The following SCLT1 variants were observed in gnomAD, a reference collection of about 807,000 sequenced individuals.
SCLT1 encodes sodium channel and clathrin linker 1.
In SCLT1, 78 loss-of-function variants were observed where a neutral mutation model predicts 112.8. The ratio of observed to expected loss-of-function variants is 0.69; its 90% CI spans 0.58 to 0.83. The LOEUF (loss-of-function observed/expected upper bound fraction) is 0.83. Ranked by LOEUF, SCLT1 falls within the 40% of genes least tolerant of loss-of-function variation. The pLI, the probability that SCLT1 is intolerant of heterozygous loss-of-function variation, is 0.00. For synonymous variants in SCLT1, 257 were observed against 254.7 expected (o/e 1.01, Z -0.09); for missense variants, 747 against 770.4 (o/e 0.97, Z 0.36).
At chr4:129,064,265 T>C (rs1440335823) in intron 2 of SCLT1, among the ~76,000 whole-genome samples, 1 of 152,230 alleles carries the variant, frequency 6.6e-6, no homozygotes, top group Non-Finnish European at 1.5e-5. Context: ...TTTCTGTCAG[T>C]CTGTGGTATG....
chr4:128,992,247 GAA>G lies in SCLT1; in HGVS notation c.616-12_616-11del. On this transcript the variant is annotated splice_polypyrimidine_tract_variant and intron_variant, in intron 8 of 20. Transcript: ENST00000281142. ...GAAACTGTTGGTTAGTCTGCCACAA[GAA>G]AAAAAAAGAATCAGTATTAGAATAT... is the stretch of plus-strand genomic sequence containing the variant. 1.3e-6 allele frequency: 2 copies of G among 1,492,518 alleles called. No homozygotes were observed. The highest frequency in any genetic ancestry group is 1.8e-6 in the Non-Finnish European group (2 of 1,095,942). 92.5% of individuals were successfully genotyped at this position (1,492,518 alleles called of 1,614,324 possible).
intron 2 of SCLT1, among the ~76,000 whole-genome samples, chr4:129,061,002 A>C (rs1272096598): frequency 2.0e-5 from 3 of 152,100 alleles, no homozygotes; most frequent in Non-Finnish European, 4.4e-5. Flanking sequence ...TTGTGGTTCT[A>C]TCCCTGGGTG....
intron 12 of SCLT1, among the ~76,000 whole-genome samples, chr4:128,958,148 A>C (rs1739368620): frequency 6.6e-6 from 1 of 152,140 alleles, no homozygotes; most frequent in Non-Finnish European, 1.5e-5. Flanking sequence ...TTTTAAATCA[A>C]CATGTAAATG....
Position 128,936,739 on chromosome 4 carries a change from G to T in SCLT1, c.1745C>A (p.Ala582Glu). The change falls in exon 18 of 21, where the codon GCG becomes GAG. Residue 582 changes from alanine to glutamate, a missense_variant. By Grantham distance (107) the Ala-to-Glu change is moderately radical. This residue lies in a region of SCLT1 where 723 missense variants were observed against 721.3 expected (regional missense o/e 1.00). Transcript: ENST00000281142. The part of the protein sequence containing the change: ...NSIVELRHLL[A>E]TQQKAANRWK... ...CCTATTGGCTGCCTTCTGTTGAGTC[G>T]CTAGGAGATGCCTCAGTTCAACAAT... is the stretch of plus-strand genomic sequence containing the variant. The T allele has an allele frequency of 1.9e-6, 3 of 1,612,084 alleles. No homozygotes were observed. The highest frequency in any genetic ancestry group is 2.5e-6 in the Non-Finnish European group (3 of 1,178,618).
At chr4:128,989,511 C>A (rs2126065073) in intron 9 of SCLT1, among the ~76,000 whole-genome samples, 1 of 151,704 alleles carries the variant, frequency 6.6e-6, no homozygotes. Context: ...TAGATACCTC[C>A]ATCAAAAAGT....
intron 20 of SCLT1, among the ~76,000 whole-genome samples, chr4:128,888,225 T>C (rs77300510): frequency 1.3e-5 from 2 of 151,666 alleles, no homozygotes; most frequent in African/African-American, 4.8e-5. Flanking sequence ...TTTTTTTTTT[T>C]GTTGATACAG....
intron 18 of SCLT1, among the ~76,000 whole-genome samples, chr4:128,904,271 A>T (rs1166144438): frequency 6.6e-6 from 1 of 152,164 alleles, no homozygotes; most frequent in East Asian, 1.9e-4. Context: ...GGAAGTGCTT[A>T]GTTCATCAGT....
intron 7 of SCLT1, among the ~76,000 whole-genome samples, chr4:128,998,376 C>A (rs1484113182): frequency 6.6e-6 from 1 of 151,776 alleles, no homozygotes. Context: ...CATTCTCATG[C>A]CCCACATTTT....
chr4:128,975,040 C>CTTTTTTTTTTTTTTTTGTTTTTTTTT (rs1741034808), intron 9 of SCLT1, among the ~76,000 whole-genome samples: 1 of 87,056 alleles, frequency 1.1e-5, no homozygotes, highest in Admixed American at 1.4e-4. Context: ...TGAATGACAA[C>CTTTTTTTTTTTTTTTTGTTTTTTTTT]TTTTTTTTTT....
chr4:129,035,479 G>A (rs965709661), intron 5 of SCLT1, among the ~76,000 whole-genome samples: 5 of 152,000 alleles, frequency 3.3e-5, no homozygotes, highest in Non-Finnish European at 4.4e-5. Flanking sequence ...TATGGAATAA[G>A]CTCATCTTCC....
intron 11 of SCLT1, among the ~76,000 whole-genome samples, chr4:128,960,302 T>C (rs376914396): frequency 2.0e-5 from 3 of 152,144 alleles, no homozygotes; most frequent in East Asian, 3.8e-4. Flanking sequence ...TACACATAAA[T>C]ATACACACAT....
At chr4:128,916,972 T>C (rs1735527526) in intron 18 of SCLT1, among the ~76,000 whole-genome samples, 2 of 152,068 alleles carry the variant, frequency 1.3e-5, no homozygotes, top group Admixed American at 6.6e-5. Flanking sequence ...ACATCTGCCG[T>C]AATCACTCTA....
At chr4:128,926,286 T>G (rs1736292180) in intron 18 of SCLT1, among the ~76,000 whole-genome samples, 1 of 152,110 alleles carries the variant, frequency 6.6e-6, no homozygotes, top group Non-Finnish European at 1.5e-5. Context: ...AAAGTGATCC[T>G]GAAATCTTTA....
chr4:128,888,689 G>A lies in SCLT1; in HGVS notation c.1994C>T (p.Ala665Val), dbSNP rs559136001. The A allele has an allele frequency of 5.0e-6, 8 of 1,607,088 alleles. 1 individual carries two copies. The East Asian group carries it at 1.6e-4, about 31-fold the overall frequency. ...LSQAEERAAS[A>V]SQQLSVITVQ... ...GAGGATGCTCCCTACCTGCTGGGAA[G>A]CTGAAGCAGCTCTCTCTTCTGCCTG... The change falls in exon 20 of 21, where the codon GCT becomes GTT. Residue 665 changes from alanine (A) to valine (V), a missense_variant. Transcript: ENST00000281142.
chr4:128,889,443 C>G (rs935206122), intron 19 of SCLT1, among the ~76,000 whole-genome samples: 7 of 152,148 alleles, frequency 4.6e-5, no homozygotes, highest in Non-Finnish European at 1.5e-5. Flanking sequence ...TCTGAGGCTA[C>G]CAGAAGCTGG....
chr4:128,960,978 G>A (rs1007266554), intron 11 of SCLT1, among the ~76,000 whole-genome samples: 1 of 129,980 alleles, frequency 7.7e-6, no homozygotes, highest in Non-Finnish European at 1.6e-5. Context: ...TTAACCCTTA[G>A]TCTGTCCTTT....
At chr4:128,879,889 G>A (rs1732604351), downstream of SCLT1, among the ~76,000 whole-genome samples, 2 of 151,984 alleles carry the variant, frequency 1.3e-5, no homozygotes, top group South Asian at 4.1e-4. Context: ...TTTATATTAT[G>A]CTCTGATAAC....
intron 11 of SCLT1, 66 bp from the exon 12 acceptor site, chr4:128,959,843 G>A (rs980148533): frequency 9.1e-6 from 11 of 1,213,142 alleles, no homozygotes; most frequent in Non-Finnish European, 1.3e-5. Flanking sequence ...GATTTACTGA[G>A]CATCTACTAC....
rs183254077 is a variant in SCLT1, at chr4:128,910,841, T to A, written c.1830-19704A>T. 1.2e-3 allele frequency among the ~76,000 whole-genome samples: 176 copies of A among 152,158 alleles called. 2 individuals are homozygous for A. The highest frequency in any genetic ancestry group is 2.7e-3 in the Admixed American group (41 of 15,260). On this transcript the variant is annotated intron_variant, in intron 18 of 20. Coordinates refer to ENST00000281142, the MANE Select transcript of SCLT1 (RefSeq NM_144643.4). Reference sequence around the variant, plus strand: ...ATAACCAAAATTTCTGATTTTATATTTTTTTTTCTTTTTCTGCATTCTGTT... The same window carrying A: ...ATAACCAAAATTTCTGATTTTATATATTTTTTTCTTTTTCTGCATTCTGTT...
Sources: allele counts gnomAD v4.1 joint callset (sites outside exome capture counted in the v4.1 genomes callset), GRCh38; gene constraint gnomAD v4.1.1; regional missense constraint gnomAD v4.1.1; transcripts MANE v1.5; gene names NCBI Gene and HGNC (gene_info 2026-07-23, HGNC 2026-07-21).